The following MYH15 variants were observed in gnomAD, a reference collection of about 807,000 sequenced individuals.
The protein encoded by MYH15 is myosin-15.
In MYH15, 227 loss-of-function variants were observed where a neutral mutation model predicts 240.5. The ratio of observed to expected loss-of-function variants is 0.94; its 90% CI spans 0.85 to 1.05. MYH15 has a LOEUF of 1.05. Ranked by LOEUF, MYH15 falls within the 50% of genes least tolerant of loss-of-function variation. MYH15 has a pLI of 0.00. For missense variants in MYH15, 2,217 were observed against 2,247.5 expected, an observed-to-expected ratio of 0.99 and a Z score of 0.27; for synonymous variants, 785 against 796.7, an observed-to-expected ratio of 0.99 and a Z score of 0.25.
chr3:108,527,627 C>T (rs1287449288), intron 1 of MYH15, among the ~76,000 whole-genome samples: 1 of 152,112 alleles, frequency 6.6e-6, no homozygotes, highest in Non-Finnish European at 1.5e-5. Flanking sequence ...CTGAATTTCT[C>T]AGTATCTACA....
At chr3:108,528,991 T>C (rs1291056469) in intron 1 of MYH15, among the ~76,000 whole-genome samples, 2 of 152,054 alleles carry the variant, frequency 1.3e-5, no homozygotes, top group Admixed American at 6.6e-5. Flanking sequence ...AAAAGGGAAG[T>C]GAGAAGTTGT....
intron 26 of MYH15, 106 bp downstream of exon 26, chr3:108,430,726 G>T: frequency 1.3e-6 from 1 of 750,522 alleles, no homozygotes; most frequent in Admixed American, 2.5e-5. Context: ...TCTGCCTGTG[G>T]TTGGCTAAGG....
intron 13 of MYH15, 99 bp from the exon 14 acceptor site, chr3:108,470,311 T>C (rs951765213): frequency 8.4e-6 from 7 of 831,090 alleles, no homozygotes; most frequent in African/African-American, 7.0e-5. Flanking sequence ...CATTATTATA[T>C]GATCAGAAAT....
chr3:108,466,993 T>A (rs192196106), intron 14 of MYH15, among the ~76,000 whole-genome samples: 2 of 152,250 alleles, frequency 1.3e-5, no homozygotes, highest in Admixed American at 6.5e-5. Context: ...AAAGCCTCTG[T>A]TTTAAGGCTT....
chr3:108,416,759 TA>T lies in MYH15; in HGVS notation c.3948+52del, dbSNP rs56933265. 2.5e-4 allele frequency: 357 copies of T among 1,414,482 alleles called. 1 individual carries two copies. The highest frequency in any genetic ancestry group is 5.4e-4 in the Middle Eastern group (3 of 5,542). The allele number at this position is 1,414,482 out of a possible 1,614,324, so 87.6% of individuals were successfully genotyped here. ...GGCTGATTCATCAAGCACTATTTTT[TA>T]AAAAAAAAAACACACAGTCAAGAAA... On this transcript the variant is annotated intron_variant, in intron 29 of 40. Transcript: ENST00000693548.
At chr3:108,515,587 G>A (rs1409894733), upstream of MYH15, among the ~76,000 whole-genome samples, 1 of 152,068 alleles carries the variant, frequency 6.6e-6, no homozygotes, top group East Asian at 1.9e-4. Context: ...CTTAACTAAC[G>A]CATTATGTCT....
In MYH15 at chr3:108,492,538, A is replaced by G; in HGVS notation, c.833T>C (p.Ile278Thr). 1 of 1,613,676 alleles carries G rather than the reference A, an allele frequency of 6.2e-7. No individual in the cohort carries two copies. The highest frequency in any genetic ancestry group is 8.5e-7 in the Non-Finnish European group (1 of 1,179,648). ...FQQAGERNYHIFYQILSGQKE... is the reference protein window; with the variant it reads ...FQQAGERNYHTFYQILSGQKE... ...TTGTCCAGATAGAATTTGATAGAATATGTGGTAGTTCCTCTCTCCAGCCTG... is the reference window on the plus strand; with the variant it reads ...TTGTCCAGATAGAATTTGATAGAATGTGTGGTAGTTCCTCTCTCCAGCCTG... The change falls in exon 9 of 41, where the codon ATA becomes ACA. Residue 278 changes from isoleucine (I) to threonine (T), a missense_variant. By Grantham distance (89) the Ile-to-Thr change is moderately conservative. Transcript: ENST00000693548.
intron 24 of MYH15, among the ~76,000 whole-genome samples, 153 bp downstream of exon 24, chr3:108,439,584 T>G (rs1180918708): frequency 6.6e-6 from 1 of 152,242 alleles, no homozygotes; most frequent in African/African-American, 2.4e-5. Context: ...GTTTTGTGTA[T>G]AAGAAAAAGA....
intron 2 of MYH15, 151 bp from the exon 3 acceptor site, chr3:108,502,006 A>G (rs2083442558): frequency 1.3e-6 from 1 of 796,806 alleles, no homozygotes; most frequent in East Asian, 2.5e-5. Flanking sequence ...GCCTTCATGG[A>G]AAAAAACAGG....
chr3:108,468,270 T>C (rs939331315), intron 14 of MYH15, among the ~76,000 whole-genome samples: 2 of 152,218 alleles, frequency 1.3e-5, no homozygotes, highest in Admixed American at 6.5e-5. Flanking sequence ...CCAGCTGATA[T>C]AGACTTTTTT....
At chr3:108,388,948 A>G in intron 38 of MYH15, 22 bp downstream of exon 38, 1 of 1,607,294 alleles carries the variant, frequency 6.2e-7, no homozygotes, top group Non-Finnish European at 8.5e-7. Context: ...CCAGACAAAC[A>G]GGGAATGGTT....
chr3:108,459,053 G>T (rs964944537), intron 18 of MYH15, among the ~76,000 whole-genome samples: 16 of 152,030 alleles, frequency 1.1e-4, no homozygotes, highest in Admixed American at 7.2e-4. Context: ...ATTATAGTTT[G>T]TCCTTGTAGA....
Position 108,470,779 on chromosome 3 carries a change from C to G in MYH15, c.1302G>C (p.Arg434=). 6.2e-7 allele frequency: 1 copy of G among 1,613,888 alleles called. No homozygotes were observed. The highest frequency in any genetic ancestry group is 8.5e-7 in the Non-Finnish European group (1 of 1,179,884). Residue 434 remains arginine, a synonymous_variant, in exon 13 of 41, where the codon CGG becomes CGC. Transcript: ENST00000693548. ...GCTTGGCATCCAGGGCCCTGTTGAT[C>G]CGTGCCACTAGCCACTTAAACATCC... is the stretch of plus-strand genomic sequence containing the variant. ...YERMFKWLVA[R]INRALDAKLS...
At chr3:108,384,505 A>G (rs1180961070) in intron 39 of MYH15, among the ~76,000 whole-genome samples, 182 bp downstream of exon 39, 1 of 152,080 alleles carries the variant, frequency 6.6e-6, no homozygotes, top group Non-Finnish European at 1.5e-5. Flanking sequence ...TGGAGGGAAA[A>G]GCCACGCACA....
At chr3:108,407,859 A>G (rs1469481485) in intron 32 of MYH15, among the ~76,000 whole-genome samples, 1 of 152,210 alleles carries the variant, frequency 6.6e-6, no homozygotes, top group African/African-American at 2.4e-5. Flanking sequence ...GTGCATATGA[A>G]CCACCAAGGG....
intron 1 of MYH15, 24 bp from the exon 2 acceptor site, chr3:108,505,853 A>AAT: frequency 7.9e-7 from 1 of 1,263,298 alleles, no homozygotes; most frequent in Non-Finnish European, 1.1e-6. Context: ...AAAAAAAAAA[A>AAT]TGGATTATAG....
the MYH15 span, among the ~76,000 whole-genome samples, chr3:108,545,363 G>A: frequency 6.6e-6 from 1 of 152,068 alleles, no homozygotes; most frequent in East Asian, 1.9e-4. Context: ...AGAGAAAGAG[G>A]AAACCAAGGA....
chr3:108,456,165 T>C (rs77924844), intron 19 of MYH15, among the ~76,000 whole-genome samples: 134 of 152,280 alleles, frequency 8.8e-4, no homozygotes, highest in African/African-American at 3.2e-3. Context: ...CTCTACTGTA[T>C]AGATAAGGAA....
At chr3:108,403,034 C>T (rs905143215) in intron 33 of MYH15, among the ~76,000 whole-genome samples, 1 of 152,066 alleles carries the variant, frequency 6.6e-6, no homozygotes, top group South Asian at 2.1e-4. Context: ...AATGGAATAC[C>T]CTATCATCCA....
Sources: gnomAD v4.1 joint callset for allele counts (sites outside exome capture counted in the v4.1 genomes callset) on GRCh38, gnomAD v4.1.1 for gene constraint, MANE v1.5 for transcripts, NCBI Gene and HGNC (gene_info 2026-07-23, HGNC 2026-07-21) for gene names.